Variants in MYO3B observed in about 807,000 individuals in gnomAD.
MYO3B encodes the protein myosin-IIIb.
In MYO3B, 156 loss-of-function variants were observed where a neutral mutation model predicts 174.6. The observed-to-expected ratio is 0.89, with a 90% CI of 0.78 to 1.02. The LOEUF is 1.02. Ranked by LOEUF, MYO3B falls within the 50% of genes least tolerant of loss-of-function variation. The pLI is 0.00. For synonymous variants in MYO3B, 563 were observed against 569.1 expected, an observed-to-expected ratio of 0.99 and a Z score of 0.15; for missense variants, 1,632 against 1,639.4, an observed-to-expected ratio of 1.00 and a Z score of 0.08.
At chr2:170,390,048 A>G (rs1348545414) in intron 14 of MYO3B, among the ~76,000 whole-genome samples, 1 of 152,194 alleles carries the variant, frequency 6.6e-6, no homozygotes, top group African/African-American at 2.4e-5. Context: ...CTGGCAATTA[A>G]TATGTTTATT....
intron 30 of MYO3B, among the ~76,000 whole-genome samples, chr2:170,523,300 A>G (rs541793855): frequency 3.9e-5 from 6 of 152,346 alleles, no homozygotes; most frequent in African/African-American, 1.4e-4. Context: ...GTCTTTGGGT[A>G]GTGGCAACAA....
intron 32 of MYO3B, among the ~76,000 whole-genome samples, chr2:170,570,773 AT>A (rs58728854): frequency 3.3e-5 from 5 of 151,158 alleles, no homozygotes; most frequent in South Asian, 2.1e-4. Context: ...TCTTTATTTG[AT>A]TTTTTTTTAG....
At chr2:170,509,896 G>A (rs1303598138) in intron 28 of MYO3B, among the ~76,000 whole-genome samples, 1 of 152,166 alleles carries the variant, frequency 6.6e-6, no homozygotes, top group Non-Finnish European at 1.5e-5. Flanking sequence ...CCACAGTGAC[G>A]GGTGATGGGC....
At chr2:170,629,745 G>T (rs1003764636) in intron 32 of MYO3B, among the ~76,000 whole-genome samples, 1 of 152,148 alleles carries the variant, frequency 6.6e-6, no homozygotes. Context: ...AGCTACTCAC[G>T]AGGCTGAGAC....
chr2:170,360,854 C>T (rs368520721), intron 8 of MYO3B, among the ~76,000 whole-genome samples: 3 of 152,228 alleles, frequency 2.0e-5, no homozygotes, highest in East Asian at 3.9e-4. Context: ...AAGTAGAGAG[C>T]AGCCCTCACC....
At chr2:170,293,544 C>T (rs1460697051) in intron 7 of MYO3B, among the ~76,000 whole-genome samples, 1 of 152,164 alleles carries the variant, frequency 6.6e-6, no homozygotes, top group Non-Finnish European at 1.5e-5. Flanking sequence ...AACCTCTTCT[C>T]TGTCTGCAAT....
intron 22 of MYO3B, among the ~76,000 whole-genome samples, chr2:170,409,347 A>G (rs2094531269): frequency 6.6e-6 from 1 of 152,128 alleles, no homozygotes; most frequent in Admixed American, 6.5e-5. Flanking sequence ...CGTCTTTTTT[A>G]CCCCTCCCAA....
chr2:170,643,702 A>T lies in MYO3B; in HGVS notation c.3734-7926A>T, dbSNP rs112330864. ...AATCAGATCAGCAATCACACAGCTC[A>T]GAAAGTATCCGTACCTGATGAAGGA... On this transcript the variant is annotated intron_variant, in intron 32 of 34. Coordinates refer to ENST00000408978, the MANE Select transcript of MYO3B (RefSeq NM_138995.5). The T allele has an allele frequency of 2.0e-5, 3 of 152,400 alleles. No individual in the cohort carries two copies. The East Asian group carries it at 5.8e-4, about 29-fold the overall frequency. 9.4% of individuals were successfully genotyped at this position (152,400 alleles called of 1,614,324 possible). A position where few individuals can be genotyped will look rare whatever the true frequency, so the allele number is the denominator to read the frequency against.
At chr2:170,405,057 CT>C (rs972887203) in intron 20 of MYO3B, among the ~76,000 whole-genome samples, 17 of 152,168 alleles carry the variant, frequency 1.1e-4, no homozygotes, top group African/African-American at 4.1e-4. Flanking sequence ...GTTTCTCATA[CT>C]TAGTAAGCTT....
At chr2:170,585,284 G>A (rs898688026) in intron 32 of MYO3B, among the ~76,000 whole-genome samples, 1 of 152,146 alleles carries the variant, frequency 6.6e-6, no homozygotes, top group Non-Finnish European at 1.5e-5. Flanking sequence ...GGTGAGTAAT[G>A]TAGTACTCAT....
At chr2:170,515,063 G>T in intron 29 of MYO3B, 41 bp downstream of exon 29, 1 of 1,552,724 alleles carries the variant, frequency 6.4e-7, no homozygotes, top group South Asian at 1.1e-5. Context: ...TCTAAATTCA[G>T]GGGCATTCCG....
chr2:170,212,123 A>C (rs1233964600), intron 3 of MYO3B, among the ~76,000 whole-genome samples: 2 of 152,000 alleles, frequency 1.3e-5, no homozygotes, highest in East Asian at 1.9e-4. Context: ...CATACCTGTA[A>C]TCCCAGCTAC....
chr2:170,512,105 A>G (rs980234332), intron 28 of MYO3B, among the ~76,000 whole-genome samples: 3 of 152,358 alleles, frequency 2.0e-5, no homozygotes, highest in African/African-American at 7.2e-5. Context: ...TCAAAGTTTA[A>G]CTGGGATAAT....
At chr2:170,496,813 C>A (rs6724778) in intron 25 of MYO3B, among the ~76,000 whole-genome samples, 139,416 of 151,568 alleles carry the variant, frequency 0.92, 65,167 homozygotes, top group East Asian at 1. Context: ...TTTTTTGCAG[C>A]GACTGGATTT....
At chr2:170,379,232 G>C (rs983970535) in intron 9 of MYO3B, among the ~76,000 whole-genome samples, 1 of 136,384 alleles carries the variant, frequency 7.3e-6, no homozygotes, top group African/African-American at 2.8e-5. Context: ...ATCTTGCTCT[G>C]TTGCCAGGTT....
At chr2:170,410,592 G>GAAAAAAAAAAAAA (rs59296953) in intron 22 of MYO3B, among the ~76,000 whole-genome samples, 3 of 112,518 alleles carry the variant, frequency 2.7e-5, no homozygotes, top group Non-Finnish European at 3.6e-5. Flanking sequence ...CAAAAAAAAA[G>GAAAAAAAAAAAAA]AAAAAAAAAA....
chr2:170,371,085 G>A (rs1029577952), intron 9 of MYO3B, among the ~76,000 whole-genome samples: 2 of 151,698 alleles, frequency 1.3e-5, no homozygotes, highest in African/African-American at 4.8e-5. Context: ...GGGCATAGTG[G>A]CAGGCACCTG....
At chr2:170,651,468 T>G (rs76308138) in intron 32 of MYO3B, among the ~76,000 whole-genome samples, 160 bp from the exon 33 acceptor site, 17,312 of 152,220 alleles carry the variant, frequency 0.11, 1,094 homozygotes, top group Middle Eastern at 0.21. Context: ...TCTGTGTGTA[T>G]TTTTTAGGAT....
At chr2:170,434,029 A>C (rs2094731459) in intron 22 of MYO3B, among the ~76,000 whole-genome samples, 1 of 152,206 alleles carries the variant, frequency 6.6e-6, no homozygotes, top group Non-Finnish European at 1.5e-5. Context: ...AAAATTTAAC[A>C]TTACACATGA....
Sources: gnomAD v4.1 joint callset for allele counts (sites outside exome capture counted in the v4.1 genomes callset) on GRCh38, gnomAD v4.1.1 for gene constraint, MANE v1.5 for transcripts, NCBI Gene and HGNC (gene_info 2026-07-23, HGNC 2026-07-21) for gene names.